Variants in CACNA1C observed in about 807,000 individuals in gnomAD.
The protein encoded by CACNA1C is voltage-dependent L-type calcium channel subunit alpha-1C.
CACNA1C carries 30 observed loss-of-function variants against 229.0 expected under a neutral mutation model. The ratio of observed to expected loss-of-function variants is 0.13; its 90% CI spans 0.10 to 0.18. The LOEUF is 0.18. Among genes scored for constraint, CACNA1C ranks in the 10% least tolerant of loss-of-function variants. The pLI is 1.00. For missense variants in CACNA1C, 1,658 were observed against 2,845.0 expected (o/e 0.58, Z 9.49); for synonymous variants, 1,114 against 1,132.5 (o/e 0.98, Z 0.33).
chr12:2,438,381 T>TGGTGGTGGTGATGGC (rs2099176110), intron 3 of CACNA1C, among the ~76,000 whole-genome samples: 1 of 146,222 alleles, frequency 6.8e-6, no homozygotes, highest in South Asian at 2.2e-4. Context: ...GTGGTGATGG[T>TGGTGGTGGTGATGGC]GGTCATGGTA....
At chr12:2,031,548 ATCCTTATTT>A (rs1325977573) in intron 1 of CACNA1C, among the ~76,000 whole-genome samples, 2 of 151,932 alleles carry the variant, frequency 1.3e-5, no homozygotes, top group African/African-American at 4.8e-5. Context: ...TTTTATTTCC[ATCCTTATTT>A]TCTATGGACA....
chr12:2,135,475 A>C (rs2093219300), intron 3 of CACNA1C, among the ~76,000 whole-genome samples: 1 of 135,264 alleles, frequency 7.4e-6, no homozygotes, highest in Non-Finnish European at 1.6e-5. Context: ...TGATGTACAG[A>C]TGGGTTTTTG....
chr12:1,996,653 A>AAAC lies in CACNA1C; in HGVS notation c.139+25458_139+25460dup, dbSNP rs1289869721. On this transcript the variant is annotated intron_variant, in intron 1 of 46. Transcript: ENST00000682462. ...AAAAAAAAAAAAAAAAAAAAAAAAA[A>AAAC]AACAACAAACTCTTCTAATGTTTTA... Among the ~76,000 whole-genome samples the AAAC allele has an allele frequency of 5.6e-3, 204 of 36,632 alleles. 5 individuals are homozygous for AAAC. The highest frequency in any genetic ancestry group is 0.012 in the African/African-American group (66 of 5,602). 24.0% of individuals were successfully genotyped at this position (36,632 alleles called of 152,430 possible). A position where few individuals can be genotyped will look rare whatever the true frequency, so the allele number is the denominator to read the frequency against.
At chr12:1,977,153 C>T (rs1039357461) in intron 1 of CACNA1C, among the ~76,000 whole-genome samples, 24 of 152,146 alleles carry the variant, frequency 1.6e-4, no homozygotes, top group South Asian at 2.1e-4. Flanking sequence ...TAAGAAAAGA[C>T]GTAACAAAGT....
chr12:2,682,702 A>C, intron 43 of CACNA1C, 24 bp downstream of exon 43: 1 of 1,601,248 alleles, frequency 6.2e-7, no homozygotes, highest in Non-Finnish European at 8.5e-7. Flanking sequence ...CCCTCTGCTG[A>C]GGCTGACCCA....
intron 3 of CACNA1C, among the ~76,000 whole-genome samples, chr12:2,293,507 C>CT (rs1283855674): frequency 6.6e-6 from 1 of 152,202 alleles, no homozygotes; most frequent in East Asian, 1.9e-4. Flanking sequence ...TCCAGGATGG[C>CT]TTTGAATGTG....
In CACNA1C at chr12:2,138,001, G is replaced by A. The variant is rs923729119; in HGVS notation, c.477+17571G>A. On this transcript the variant is annotated intron_variant, in intron 3 of 46. Transcript: ENST00000399655. ...CCCTGTTTTCTCACTGGGTCTAGCT[G>A]AACTCTGGCACAGCGAGTGTAGCTG... Among the ~76,000 whole-genome samples the A allele has an allele frequency of 4.0e-5, 6 of 151,582 alleles. 1 individual carries two copies. Among genetic ancestry groups the A allele is most frequent in the South Asian group, 2.1e-4 (1 of 4,794 alleles).
At chr12:2,042,734 G>A (rs968719934) in intron 1 of CACNA1C, among the ~76,000 whole-genome samples, 7 of 152,142 alleles carry the variant, frequency 4.6e-5, no homozygotes, top group Non-Finnish European at 8.8e-5. Flanking sequence ...GCTCTGCCCC[G>A]GGTTGTCCTC....
At chr12:2,314,431 C>T (rs866405327) in intron 3 of CACNA1C, among the ~76,000 whole-genome samples, 6 of 152,224 alleles carry the variant, frequency 3.9e-5, no homozygotes, top group African/African-American at 1.4e-4. Flanking sequence ...TCACCTCGTG[C>T]ACACGGCTGT....
intron 3 of CACNA1C, among the ~76,000 whole-genome samples, chr12:2,320,925 C>G (rs1482757729): frequency 6.6e-6 from 1 of 152,168 alleles, no homozygotes; most frequent in Non-Finnish European, 1.5e-5. Context: ...ACCTGCCAGA[C>G]AAGCTAGACC....
At chr12:2,189,076 G>A (rs1218307563) in intron 3 of CACNA1C, among the ~76,000 whole-genome samples, 1 of 111,346 alleles carries the variant, frequency 9.0e-6, no homozygotes, top group Admixed American at 1.4e-4. Flanking sequence ...CTGCGCGACA[G>A]AACGAGACTC....
intron 3 of CACNA1C, among the ~76,000 whole-genome samples, chr12:2,143,359 TTCACTCACCAC>T (rs2094439267): frequency 6.6e-6 from 1 of 151,088 alleles, no homozygotes; most frequent in African/African-American, 2.4e-5. Context: ...GGCCCTCAAA[TTCACTCACCAC>T]TCACTCACTG....
At chr12:2,385,821 C>G (rs930748149) in intron 3 of CACNA1C, among the ~76,000 whole-genome samples, 1 of 152,146 alleles carries the variant, frequency 6.6e-6, no homozygotes, top group Admixed American at 6.5e-5. Flanking sequence ...TAAAATTACC[C>G]GTGCCTGGGT....
intron 18 of CACNA1C, among the ~76,000 whole-genome samples, chr12:2,589,677 C>T (rs1184255916): frequency 6.9e-6 from 1 of 145,192 alleles, no homozygotes; most frequent in East Asian, 1.9e-4. Flanking sequence ...TGATGTCCGA[C>T]TCACCCTTTC....
intron 1 of CACNA1C, among the ~76,000 whole-genome samples, chr12:2,028,692 C>T (rs921315892): frequency 2.0e-5 from 3 of 152,056 alleles, no homozygotes; most frequent in East Asian, 1.9e-4. Flanking sequence ...TCTACTCCAC[C>T]GAGTATTTCC....
chr12:2,217,064 T>C (rs1286791212), intron 3 of CACNA1C, among the ~76,000 whole-genome samples: 1 of 152,224 alleles, frequency 6.6e-6, no homozygotes, highest in Non-Finnish European at 1.5e-5. Context: ...CAGTGGAATA[T>C]CATTCGGCCT....
intron 3 of CACNA1C, among the ~76,000 whole-genome samples, chr12:2,333,015 A>T (rs2238064): frequency 1.3e-5 from 2 of 152,102 alleles, no homozygotes; most frequent in Non-Finnish European, 2.9e-5. Context: ...CTGAACAGTT[A>T]TCCCTCCGGC....
intron 42 of CACNA1C, chr12:2,680,517 T>G: frequency 1.3e-6 from 2 of 1,573,984 alleles, no homozygotes; most frequent in Non-Finnish European, 1.7e-6. Flanking sequence ...TTCACTGTGC[T>G]GCTCTTCCAG....
At chr12:2,391,611 G>A (rs1595027441) in intron 3 of CACNA1C, among the ~76,000 whole-genome samples, 2 of 65,610 alleles carry the variant, frequency 3.0e-5, no homozygotes, top group Admixed American at 3.5e-4. Context: ...CAGAGAGGAG[G>A]AAACAAGGTG....
Sources: allele counts gnomAD v4.1 joint callset (sites outside exome capture counted in the v4.1 genomes callset), GRCh38; gene constraint gnomAD v4.1.1; transcripts MANE v1.5; gene names NCBI Gene and HGNC (gene_info 2026-07-23, HGNC 2026-07-21).